Variants in ANGEL1 observed in about 807,000 individuals in gnomAD.
ANGEL1 encodes angel homolog 1.
In ANGEL1, 62 loss-of-function variants were observed where a neutral mutation model predicts 76.4. That is an observed-to-expected ratio of 0.81 (90% CI 0.66 to 1.00). The LOEUF (loss-of-function observed/expected upper bound fraction) is 1.00, where lower values mean the gene tolerates loss of function less well. Among genes scored for constraint, ANGEL1 ranks in the 50% least tolerant of loss-of-function variants. ANGEL1 has a pLI of 0.00. For missense variants in ANGEL1, 737 were observed against 836.7 expected (o/e 0.88, Z 1.47); for synonymous variants, 340 against 331.7 (o/e 1.03, Z -0.27).
chr14:76,793,399 A>AGGGTAGGGGAGGG (rs1566695787), intron 7 of ANGEL1, among the ~76,000 whole-genome samples: 1 of 30,714 alleles, frequency 3.3e-5, no homozygotes, highest in Admixed American at 3.4e-4. Context: ...AGAGGAGGGG[A>AGGGTAGGGGAGGG]GAGGGGATAA....
Position 76,809,306 on chromosome 14 carries a change from C to A in ANGEL1, c.402G>T (p.Glu134Asp). ...DEPFPEMLGE[E>D]PLLEVEGVEG... Reference sequence around the variant, plus strand: ...CCACCCCCTCCACCTCCAGCAGTGGCTCCTCTCCTAGCATCTCAGGGAAAG... The same window carrying A: ...CCACCCCCTCCACCTCCAGCAGTGGATCCTCTCCTAGCATCTCAGGGAAAG... The change falls in exon 2 of 10, where the codon GAG becomes GAT. Residue 134 changes from glutamate (E) to aspartate (D), a missense_variant. By Grantham distance (45) the Glu-to-Asp change is conservative (BLOSUM62 2). This residue lies in a region of ANGEL1 where 441 missense variants were observed against 449.5 expected (regional missense o/e 0.98). Coordinates refer to ENST00000251089, the MANE Select transcript of ANGEL1 (RefSeq NM_015305.4). The A allele has an allele frequency of 1.2e-6, 2 of 1,614,170 alleles. No individual in the cohort carries two copies. The highest frequency in any genetic ancestry group is 1.7e-6 in the Non-Finnish European group (2 of 1,179,994).
intron 7 of ANGEL1, among the ~76,000 whole-genome samples, chr14:76,795,440 G>A (rs1894548543): frequency 6.6e-6 from 1 of 152,084 alleles, no homozygotes; most frequent in Non-Finnish European, 1.5e-5. Flanking sequence ...TTCACAGGTG[G>A]AGAACATTAG....
intron 2 of ANGEL1, among the ~76,000 whole-genome samples, chr14:76,808,793 GTA>G (rs1020813356): frequency 6.6e-6 from 1 of 152,166 alleles, no homozygotes; most frequent in Admixed American, 6.5e-5. Flanking sequence ...CAGAACTAGA[GTA>G]TGCTTTCAGT....
At chr14:76,796,373 C>T (rs1023126784) in intron 7 of ANGEL1, among the ~76,000 whole-genome samples, 13 of 151,248 alleles carry the variant, frequency 8.6e-5, no homozygotes, top group Admixed American at 6.6e-5. Flanking sequence ...CTTAGCCTCT[C>T]GGTAGCTGGG....
intron 1 of ANGEL1, chr14:76,810,260 A>C (rs1566702600): frequency 2.2e-6 from 1 of 454,998 alleles, no homozygotes; most frequent in Non-Finnish European, 4.4e-6. Context: ...CATCTCTACA[A>C]AAAATTAAAA....
chr14:76,807,819 C>T (rs1894965024), intron 3 of ANGEL1, 103 bp downstream of exon 3: 1 of 1,298,546 alleles, frequency 7.7e-7, no homozygotes, highest in Admixed American at 2.0e-5. Flanking sequence ...GATAGGACTC[C>T]AATCATTTGA....
intron 1 of ANGEL1, among the ~76,000 whole-genome samples, chr14:76,810,861 C>T (rs2140232898): frequency 6.6e-6 from 1 of 152,344 alleles, no homozygotes; most frequent in East Asian, 1.9e-4. Context: ...AACTCCTACA[C>T]TCACACACTC....
chr14:76,806,894 G>A (rs1566701167), intron 4 of ANGEL1, 45 bp from the exon 5 acceptor site: 1 of 1,574,792 alleles, frequency 6.4e-7, no homozygotes, highest in Non-Finnish European at 8.6e-7. Flanking sequence ...AGTCCTTAAA[G>A]CCTGAATCCC....
rs923707078 is a variant in ANGEL1, at chr14:76,807,904, T to C, written c.876+18A>G. The C allele has an allele frequency of 4.3e-6, 7 of 1,611,358 alleles. No homozygotes were observed. The African/African-American group carries it at 6.7e-5, about 15-fold the overall frequency. On this transcript the variant is annotated intron_variant, in intron 3 of 9. Transcript: ENST00000251089. ...GTCCAGCAACAATGCAAGATGGCAA[T>C]TCCCCCTCTTCACTCACATCAGGGT...
At chr14:76,798,958 A>AC (rs1432768313) in intron 7 of ANGEL1, among the ~76,000 whole-genome samples, 1 of 151,926 alleles carries the variant, frequency 6.6e-6, no homozygotes, top group Non-Finnish European at 1.5e-5. Flanking sequence ...AAAAAAAAAA[A>AC]AAAAAAACAA....
In ANGEL1 at chr14:76,808,060, A is replaced by G. The variant is rs1894973219; in HGVS notation, c.738T>C (p.Thr246=). The change falls in exon 3 of 10, where the codon ACT becomes ACC. Residue 246 remains threonine (T), a synonymous_variant. Coordinates refer to ENST00000251089, the MANE Select transcript of ANGEL1 (RefSeq NM_015305.4). The part of the protein sequence containing the change: ...KAGDGPQFQF[T]LMSYNILAQD... Reference sequence around the variant, plus strand: ...GAGCCAGGATGTTATAAGACATCAGAGTGAACTGGAACTGAGGGCCATCTC... The same window carrying G: ...GAGCCAGGATGTTATAAGACATCAGGGTGAACTGGAACTGAGGGCCATCTC... 1 of 1,614,166 alleles carries G rather than the reference A, an allele frequency of 6.2e-7. No individual in the cohort carries two copies. Among genetic ancestry groups the G allele is most frequent in the East Asian group, 2.2e-5 (1 of 44,890 alleles).
rs773705967 is a variant in ANGEL1 at position 76,807,914 on chromosome 14, T to G, written c.876+8A>C. On this transcript the variant is annotated splice_region_variant and intron_variant, in intron 3 of 9. Coordinates refer to ENST00000251089, the MANE Select transcript of ANGEL1 (RefSeq NM_015305.4). Reference sequence around the variant, plus strand: ...AATGCAAGATGGCAATTCCCCCTCTTCACTCACATCAGGGTCCCAGTGCTG... The same window carrying G: ...AATGCAAGATGGCAATTCCCCCTCTGCACTCACATCAGGGTCCCAGTGCTG... The G allele has an allele frequency of 6.2e-7, 1 of 1,613,464 alleles. No individual in the cohort carries two copies. The highest frequency in any genetic ancestry group is 8.5e-7 in the Non-Finnish European group (1 of 1,179,930).
Position 76,786,162 on chromosome 14 carries a change from CTTTTCTTTT to C in ANGEL1, c.*3057_*3065del, listed in dbSNP as rs1278362642. On this transcript the variant is annotated 3_prime_UTR_variant, in exon 10 of 10. Coordinates refer to ENST00000251089, the MANE Select transcript of ANGEL1 (RefSeq NM_015305.4). ...AGCTGAGTTTTCTTTCTTTTCTTTT[CTTTTCTTTT>C]TTTTTTTTTGAGATGGAGTTTCACT... The C allele has an allele frequency of 7.1e-6, 1 of 140,138 alleles. No homozygotes were observed. Among genetic ancestry groups the C allele is most frequent in the African/African-American group, 2.8e-5 (1 of 36,026 alleles). The allele number at this position is 140,138 out of a possible 1,614,324, so 8.7% of individuals were successfully genotyped here.
At chr14:76,798,270 G>A (rs1365526066) in intron 7 of ANGEL1, among the ~76,000 whole-genome samples, 2 of 152,022 alleles carry the variant, frequency 1.3e-5, no homozygotes, top group East Asian at 1.9e-4. Flanking sequence ...GGCTACAGTC[G>A]CATGCCACCA....
In ANGEL1 at chr14:76,799,278, C is replaced by CTTTTTTTTTTTTTTTTTTTTT. The variant is rs71122579; in HGVS notation, c.1618+4072_1618+4092dup. ...CTCGTTGTACTCCATTCATGGCCTC[C>CTTTTTTTTTTTTTTTTTTTTT]TTTTTTTTTTTTTTTTTTTTTTTTT... On this transcript the variant is annotated intron_variant, in intron 7 of 9. Transcript: ENST00000251089. Among the ~76,000 whole-genome samples the CTTTTTTTTTTTTTTTTTTTTT allele has an allele frequency of 3.8e-5, 2 of 52,342 alleles. 1 individual carries two copies. The highest frequency in any genetic ancestry group is 6.3e-5 in the Non-Finnish European group (2 of 31,676). 34.3% of individuals were successfully genotyped at this position (52,342 alleles called of 152,430 possible). A position where few individuals can be genotyped will look rare whatever the true frequency, so the allele number is the denominator to read the frequency against.
At chr14:76,805,739 A>T (rs1438500501) in intron 5 of ANGEL1, among the ~76,000 whole-genome samples, 1 of 152,242 alleles carries the variant, frequency 6.6e-6, no homozygotes, top group African/African-American at 2.4e-5. Context: ...TAGATTACAT[A>T]TTGGCTGTTA....
rs575055757 is a variant in ANGEL1 at position 76,805,888 on chromosome 14, A to G, written c.1380+528T>C. Among the ~76,000 whole-genome samples the G allele has an allele frequency of 2.0e-5, 3 of 152,374 alleles. No individual in the cohort carries two copies. In the East Asian group the frequency reaches 5.8e-4, roughly 29 times the overall value. On this transcript the variant is annotated intron_variant, in intron 5 of 9. Coordinates refer to ENST00000251089, the MANE Select transcript of ANGEL1 (RefSeq NM_015305.4). ...TTTCTGAGCTTTAGTTTCCTCATTT[A>G]TAAAATGGAAGCCATGATGGAAACT...
chr14:76,798,627 AC>A (rs1894654692), intron 7 of ANGEL1, among the ~76,000 whole-genome samples: 1 of 152,074 alleles, frequency 6.6e-6, no homozygotes, highest in Admixed American at 6.5e-5. Flanking sequence ...AAAATTAAAT[AC>A]CCTTTTTACA....
chr14:76,800,450 G>A (rs1894727098), intron 7 of ANGEL1, among the ~76,000 whole-genome samples: 1 of 152,182 alleles, frequency 6.6e-6, no homozygotes, highest in Non-Finnish European at 1.5e-5. Context: ...TGACATATTT[G>A]TTGCTCTGTG....
Sources: allele counts gnomAD v4.1 joint callset (sites outside exome capture counted in the v4.1 genomes callset), GRCh38; gene constraint gnomAD v4.1.1; regional missense constraint gnomAD v4.1.1; transcripts MANE v1.5; gene names NCBI Gene and HGNC (gene_info 2026-07-23, HGNC 2026-07-21).